Variants in LMBR1 observed in about 807,000 individuals in gnomAD.
LMBR1 encodes limb development membrane protein 1.
A neutral mutation model predicts 73.9 loss-of-function variants in LMBR1; 52 were observed. The observed-to-expected ratio is 0.70, with a 90% confidence interval of 0.56 to 0.89. The LOEUF (loss-of-function observed/expected upper bound fraction) is 0.89. LMBR1 is among the 40% of genes least tolerant of loss of function. The probability of loss-of-function intolerance (pLI) is 0.00; values close to 1 mark genes in which losing one functional copy is unlikely to be tolerated. For missense variants in LMBR1, 539 were observed against 579.8 expected (o/e 0.93, Z 0.72); for synonymous variants, 215 against 209.4 (o/e 1.03, Z -0.23).
intron 9 of LMBR1, among the ~76,000 whole-genome samples, chr7:156,745,757 T>C (rs1408644777): frequency 6.6e-6 from 1 of 152,208 alleles, no homozygotes; most frequent in Non-Finnish European, 1.5e-5. Context: ...CCCATTCCCT[T>C]TGCAGCTCCT....
intron 1 of LMBR1, among the ~76,000 whole-genome samples, chr7:156,867,941 T>C (rs1413837822): frequency 6.6e-6 from 1 of 151,982 alleles, no homozygotes; most frequent in Non-Finnish European, 1.5e-5. Flanking sequence ...ATAAAACTGT[T>C]TCAAAAAAAA....
At chr7:156,742,175 G>A (rs923612100) in intron 9 of LMBR1, among the ~76,000 whole-genome samples, 2 of 151,880 alleles carry the variant, frequency 1.3e-5, no homozygotes, top group Non-Finnish European at 2.9e-5. Context: ...ATAGCTACAG[G>A]TGTCTATATA....
rs527835953 is a variant in LMBR1 at position 156,791,593 on chromosome 7, T to C, written c.423+4796A>G. ...TTGTTCCTCCTCTATTGTGCTGTCATGTTGCTCAGCTTTATAGACATTCCA... is the reference window on the plus strand; with the variant it reads ...TTGTTCCTCCTCTATTGTGCTGTCACGTTGCTCAGCTTTATAGACATTCCA... On this transcript the variant is annotated intron_variant, in intron 5 of 16. Transcript: ENST00000353442. 2.6e-5 allele frequency among the ~76,000 whole-genome samples: 4 copies of C among 152,366 alleles called. No individual in the cohort carries two copies. The East Asian group carries it at 7.7e-4, about 29-fold the overall frequency.
At chr7:156,717,830 A>G (rs1563201151) in intron 15 of LMBR1, among the ~76,000 whole-genome samples, 2 of 152,202 alleles carry the variant, frequency 1.3e-5, no homozygotes, top group Non-Finnish European at 2.9e-5. Context: ...TGAGATTTTA[A>G]AATTTTCTAC....
intron 12 of LMBR1, among the ~76,000 whole-genome samples, chr7:156,726,361 CA>C (rs1298557602): frequency 1.3e-5 from 2 of 151,846 alleles, no homozygotes; most frequent in Non-Finnish European, 2.9e-5. Context: ...TTCAGAGTTA[CA>C]AAGGATGTAA....
intron 5 of LMBR1, chr7:156,779,671 A>G (rs2133169215): frequency 7.8e-7 from 1 of 1,283,794 alleles, no homozygotes; most frequent in African/African-American, 1.5e-5. Flanking sequence ...TCTATGGAGA[A>G]GCTGTCATGT....
chr7:156,734,784 C>T (rs1438809332), intron 9 of LMBR1, among the ~76,000 whole-genome samples: 1 of 152,132 alleles, frequency 6.6e-6, no homozygotes, highest in Non-Finnish European at 1.5e-5. Flanking sequence ...TCAAGATCTT[C>T]TCTTCTCTAT....
chr7:156,762,844 T>TGA (rs1363271713), intron 7 of LMBR1, among the ~76,000 whole-genome samples: 14 of 106,620 alleles, frequency 1.3e-4, no homozygotes, highest in African/African-American at 4.8e-4. Context: ...TGTGTGAGTG[T>TGA]GAGTGTGTGT....
downstream of LMBR1, chr7:156,676,546 A>T: frequency 6.2e-7 from 1 of 1,613,974 alleles, no homozygotes; most frequent in East Asian, 2.2e-5. Flanking sequence ...CATGTGTTCC[A>T]CCATGCGTGT....
intron 1 of LMBR1, among the ~76,000 whole-genome samples, chr7:156,851,958 C>G (rs763321675): frequency 2.0e-5 from 3 of 152,118 alleles, no homozygotes; most frequent in Non-Finnish European, 2.9e-5. Flanking sequence ...CACTCTGATT[C>G]AATACTGTTA....
At chr7:156,730,255 A>G (rs1463865644) in intron 10 of LMBR1, among the ~76,000 whole-genome samples, 1 of 152,234 alleles carries the variant, frequency 6.6e-6, no homozygotes, top group African/African-American at 2.4e-5. Context: ...AGTGGCTAAG[A>G]GGCCAAGAAG....
At chr7:156,752,970 G>A (rs1459023656) in intron 9 of LMBR1, among the ~76,000 whole-genome samples, 1 of 150,650 alleles carries the variant, frequency 6.6e-6, no homozygotes. Context: ...GGGAAATGAT[G>A]GGGGGTGAGA....
intron 8 of LMBR1, among the ~76,000 whole-genome samples, chr7:156,760,719 C>T (rs1822819789): frequency 6.6e-6 from 1 of 152,090 alleles, no homozygotes; most frequent in Non-Finnish European, 1.5e-5. Context: ...TGTATTTACG[C>T]ATTTTTTAAA....
chr7:156,691,591 AAG>A (rs1175530192), intron 15 of LMBR1, among the ~76,000 whole-genome samples: 1 of 152,188 alleles, frequency 6.6e-6, no homozygotes, highest in Non-Finnish European at 1.5e-5. Flanking sequence ...AAAAGTAGTT[AAG>A]AGAGAGTTTA....
intron 6 of LMBR1, among the ~76,000 whole-genome samples, chr7:156,763,431 C>T (rs1211232253): frequency 1.4e-5 from 1 of 70,680 alleles, no homozygotes; most frequent in South Asian, 6.6e-4. Context: ...GAACAGAAAC[C>T]AATTAACAAA....
chr7:156,831,078 G>A (rs144504153), intron 3 of LMBR1, among the ~76,000 whole-genome samples: 3 of 152,312 alleles, frequency 2.0e-5, no homozygotes, highest in East Asian at 3.9e-4. Flanking sequence ...AATATTAAGT[G>A]TGGCACTTAG....
chr7:156,750,599 C>G (rs1820697408), intron 9 of LMBR1, among the ~76,000 whole-genome samples: 1 of 152,144 alleles, frequency 6.6e-6, no homozygotes, highest in African/African-American at 2.4e-5. Flanking sequence ...GGTCTTGTCA[C>G]CAAATTTTAC....
chr7:156,822,537 C>T (rs1288863785), intron 4 of LMBR1: 1 of 151,948 alleles, frequency 6.6e-6, no homozygotes, highest in African/African-American at 2.4e-5. Flanking sequence ...AAAGAATATT[C>T]AATTAATGGT....
chr7:156,698,640 C>T (rs913740169), intron 15 of LMBR1, among the ~76,000 whole-genome samples: 8 of 152,182 alleles, frequency 5.3e-5, no homozygotes, highest in East Asian at 1.9e-4. Flanking sequence ...CCTTTAGTCA[C>T]GGCTGGAGCA....
Sources: gnomAD v4.1 joint callset for allele counts (sites outside exome capture counted in the v4.1 genomes callset) on GRCh38, gnomAD v4.1.1 for gene constraint, MANE v1.5 for transcripts, NCBI Gene and HGNC (gene_info 2026-07-23, HGNC 2026-07-21) for gene names.